Variants in NFE2L1 observed in about 807,000 individuals in gnomAD.
NFE2L1 encodes the protein NFE2 like bZIP transcription factor 1, also known as endoplasmic reticulum membrane sensor NFE2L1.
A neutral mutation model predicts 61.6 loss-of-function variants in NFE2L1; 18 were observed. The ratio of observed to expected loss-of-function variants is 0.29; its 90% CI spans 0.20 to 0.43. NFE2L1 has a LOEUF of 0.43. Among genes scored for constraint, NFE2L1 ranks in the 20% least tolerant of loss-of-function variants. NFE2L1 has a pLI of 1.00. For missense variants in NFE2L1, 827 were observed against 973.5 expected, an observed-to-expected ratio of 0.85 and a Z score of 2.00; for synonymous variants, 419 against 402.7, an observed-to-expected ratio of 1.04 and a Z score of -0.48.
At position 48,055,202 on chromosome 17, in the gene NFE2L1, A is replaced by AG. The variant is rs143423898; in HGVS notation, c.511-1177dup. 580 of 1,289,110 alleles carry AG rather than the reference A, an allele frequency of 4.5e-4. 1 individual carries two copies. The highest frequency in any genetic ancestry group is 3.6e-4 in the Non-Finnish European group (364 of 1,016,638). The allele number at this position is 1,289,110 out of a possible 1,614,324, so 79.9% of individuals were successfully genotyped here. A position where few individuals can be genotyped will look rare whatever the true frequency, so the allele number is the denominator to read the frequency against. ...AGTACGTCTGGGAGGTCTTAGGGTCAGGGGGGGTTAATGGGAGAAGAATAC... is the reference window on the plus strand; with the variant it reads ...AGTACGTCTGGGAGGTCTTAGGGTCAGGGGGGGGTTAATGGGAGAAGAATAC... On this transcript the variant is annotated intron_variant, in intron 2 of 5. Transcript: ENST00000362042.
intron 2 of NFE2L1, among the ~76,000 whole-genome samples, 195 bp from the exon 3 acceptor site, chr17:48,056,191 A>C (rs1256933584): frequency 6.7e-6 from 1 of 150,294 alleles, no homozygotes; most frequent in African/African-American, 2.5e-5. Context: ...TTTTTGTGGG[A>C]AGGGGATAGT....
chr17:48,057,496 A>AAT lies in NFE2L1; in HGVS notation c.967_968dup (p.Met323IlefsTer7). 1 of 1,612,724 alleles carries AAT rather than the reference A, an allele frequency of 6.2e-7. No homozygotes were observed. Among genetic ancestry groups the AAT allele is most frequent in the East Asian group, 2.2e-5 (1 of 44,882 alleles). On this transcript the variant is annotated frameshift_variant, in exon 5 of 6. Transcript: ENST00000362042. LOFTEE classifies it high-confidence loss of function. Reference sequence around the variant, plus strand: ...GGCAAGATCTCATGTCCATCATGGAAATGCAGGTAGGATTGTCGGAACCGG... The same window carrying AAT: ...GGCAAGATCTCATGTCCATCATGGAAATATGCAGGTAGGATTGTCGGAACCGG...
rs1007108976 is a variant in NFE2L1 at position 48,059,493 on chromosome 17, G to A, written c.2171G>A (p.Arg724Gln). 4.3e-6 allele frequency: 7 copies of A among 1,613,952 alleles called. No homozygotes were observed. Among genetic ancestry groups the A allele is most frequent in the Admixed American group, 1.7e-5 (1 of 59,998 alleles). Residue 724 changes from arginine to glutamine, a missense_variant, in exon 6 of 6, where the codon CGG (arginine) becomes CAG (glutamine). This residue lies in a region of NFE2L1 where 86 missense variants were observed against 97.3 expected (regional missense o/e 0.88). Coordinates refer to ENST00000362042, the MANE Select transcript of NFE2L1 (RefSeq NM_003204.3). The surrounding 1 kb of genome is among the most constrained non-coding windows in gnomAD (Gnocchi z 6.1). ...AGCCTGTACCAGGAGGTGTTTGGGC[G>A]GCTGCGAGATGAGAACGGACGACCC... ...VQSLYQEVFG[R>Q]LRDENGRPYS...
chr17:48,059,841 G>A lies in NFE2L1; in HGVS notation c.*200G>A. 2 of 728,576 alleles carry A rather than the reference G, an allele frequency of 2.7e-6. No individual in the cohort carries two copies. The highest frequency in any genetic ancestry group is 2.1e-6 in the Non-Finnish European group (1 of 470,600). 45.1% of individuals were successfully genotyped at this position (728,576 alleles called of 1,614,324 possible). A position where few individuals can be genotyped will look rare whatever the true frequency, so the allele number is the denominator to read the frequency against. ...GCTCCACTCGGGTGGAGTGGAAGTGGCCAGACCATTTAGACGGACAGGGTC... is the reference window on the plus strand; with the variant it reads ...GCTCCACTCGGGTGGAGTGGAAGTGACCAGACCATTTAGACGGACAGGGTC... On this transcript the variant is annotated 3_prime_UTR_variant, in exon 6 of 6. Transcript: ENST00000362042. The surrounding 1 kb of genome is among the most constrained non-coding windows in gnomAD (Gnocchi z 6.1).
rs2229369 is a variant in NFE2L1 at position 48,058,771 on chromosome 17, G to A, written c.1449G>A (p.Ser483=). Residue 483 remains serine, a synonymous_variant, in exon 6 of 6, where the codon TCG becomes TCA. Coordinates refer to ENST00000362042, the MANE Select transcript of NFE2L1 (RefSeq NM_003204.3). ...CTGACTCAGGCCTTTCCTTAGACTCGAGCCATAGCCCTTCTTCCCTAAGCA... is the reference window on the plus strand; with the variant it reads ...CTGACTCAGGCCTTTCCTTAGACTCAAGCCATAGCCCTTCTTCCCTAAGCA... ...FDSDSGLSLD[S]SHSPSSLSSS... is the part of the protein sequence containing the mutation. 10 of 1,613,980 alleles carry A rather than the reference G, an allele frequency of 6.2e-6. No homozygotes were observed. The African/African-American group carries it at 1.1e-4, about 17-fold the overall frequency.
At position 48,050,644 on chromosome 17, in the gene NFE2L1, C is replaced by T. The variant is rs150473130; in HGVS notation, c.-475C>T. The T allele has an allele frequency of 1.9e-4, 80 of 422,632 alleles. No individual in the cohort carries two copies. Among genetic ancestry groups the T allele is most frequent in the African/African-American group, 9.4e-4 (46 of 49,138 alleles). 26.2% of individuals were successfully genotyped at this position (422,632 alleles called of 1,614,324 possible). On this transcript the variant is annotated 5_prime_UTR_variant, in exon 2 of 6. Transcript: ENST00000362042. ...ACCCCCCTGGTAAGTGTGGAGGAGG[C>T]GGGACACTCTGACCCAAGACGAAAG...
At chr17:48,054,997 C>A in intron 2 of NFE2L1, 2 of 1,508,984 alleles carry the variant, frequency 1.3e-6, no homozygotes, top group Non-Finnish European at 1.8e-6. Context: ...CACCGGCTGC[C>A]CTGGGGCTCA....
rs1470865959 is a variant in NFE2L1 at position 48,051,273 on chromosome 17, A to C, written c.155A>C (p.Gln52Pro). Reference sequence around the variant, plus strand: ...CTGGGGCCCAGTTCTGCCTATACTCAGACCCAGTTCCACAACCTGAGGAAT... The same window carrying C: ...CTGGGGCCCAGTTCTGCCTATACTCCGACCCAGTTCCACAACCTGAGGAAT... ...IILGPSSAYT[Q>P]TQFHNLRNTL... is the part of the protein sequence containing the mutation. The change falls in exon 2 of 6, where the codon CAG becomes CCG. Residue 52 changes from glutamine (Q) to proline (P), a missense_variant. Physicochemically the swap from Gln to Pro is moderately conservative, Grantham distance 76 (BLOSUM62 -1). Coordinates refer to ENST00000362042, the MANE Select transcript of NFE2L1 (RefSeq NM_003204.3). 1 of 1,614,098 alleles carries C rather than the reference A, an allele frequency of 6.2e-7. No individual in the cohort carries two copies. Among genetic ancestry groups the C allele is most frequent in the Admixed American group, 1.7e-5 (1 of 60,020 alleles).
At position 48,060,923 on chromosome 17, in the gene NFE2L1, T is replaced by C. The variant is rs1268977696; in HGVS notation, c.*1282T>C. The C allele has an allele frequency of 6.5e-6, 1 of 152,690 alleles. No homozygotes were observed. Among genetic ancestry groups the C allele is most frequent in the Non-Finnish European group, 1.5e-5 (1 of 68,054 alleles). 9.5% of individuals were successfully genotyped at this position (152,690 alleles called of 1,614,324 possible). A position where few individuals can be genotyped will look rare whatever the true frequency, so the allele number is the denominator to read the frequency against. ...CAATATTCAAAGCTGCTAAATGTTC[T>C]CTTTGCCATAAAGACTCCGTGTAAC... On this transcript the variant is annotated 3_prime_UTR_variant, in exon 6 of 6. Transcript: ENST00000362042.
chr17:48,054,731 G>T (rs1174115445), intron 2 of NFE2L1: 1 of 1,295,314 alleles, frequency 7.7e-7, no homozygotes, highest in African/African-American at 1.5e-5. Context: ...GGAGCATGGG[G>T]TGGGAGTCCC....
intron 1 of NFE2L1, among the ~76,000 whole-genome samples, chr17:48,049,673 G>A (rs780205017): frequency 2.0e-5 from 3 of 152,258 alleles, no homozygotes; most frequent in Non-Finnish European, 2.9e-5. Context: ...GATTACAGGC[G>A]TCGGCCCTTT....
Position 48,059,290 on chromosome 17 carries a change from A to G in NFE2L1, c.1968A>G (p.Arg656=), listed in dbSNP as rs372179075. The G allele has an allele frequency of 1.9e-6, 3 of 1,614,078 alleles. No individual in the cohort carries two copies. The African/African-American group carries it at 4.0e-5, about 22-fold the overall frequency. ...GTGAAGCCCAGCTGAGCCTCATCCG[A>G]GACATCCGGCGCCGGGGCAAGAACA... is the stretch of plus-strand genomic sequence containing the variant. The part of the protein sequence containing the change: ...QLSEAQLSLI[R]DIRRRGKNKM... The change falls in exon 6 of 6, where the codon CGA becomes CGG. Residue 656 remains arginine (R), a synonymous_variant. Coordinates refer to ENST00000362042, the MANE Select transcript of NFE2L1 (RefSeq NM_003204.3). This position sits in a 1 kb window ranked among gnomAD's most constrained non-coding sequence, Gnocchi z 6.1.
At chr17:48,055,803 G>A (rs1025711013) in intron 2 of NFE2L1, 1 of 156,214 alleles carries the variant, frequency 6.4e-6, no homozygotes, top group Non-Finnish European at 1.4e-5. Context: ...GGGGAATGGG[G>A]AATGGCTATA....
Position 48,048,500 on chromosome 17 carries a change from T to G in NFE2L1, c.-513+38T>G, listed in dbSNP as rs1440506235. On this transcript the variant is annotated intron_variant, in intron 1 of 5. Coordinates refer to ENST00000362042, the MANE Select transcript of NFE2L1 (RefSeq NM_003204.3). ...CACATTCCTTTCCCAGAAGGGAGGG[T>G]TGCAGCGCCGCGGGGCCGAGGCTTA... 3.9e-5 allele frequency: 6 copies of G among 152,188 alleles called. No homozygotes were observed. The East Asian group carries it at 1.2e-3, about 30-fold the overall frequency. 9.4% of individuals were successfully genotyped at this position (152,188 alleles called of 1,614,324 possible).
At position 48,059,947 on chromosome 17, in the gene NFE2L1, CAG is replaced by C. The variant is rs1293636859; in HGVS notation, c.*309_*310del. On this transcript the variant is annotated 3_prime_UTR_variant, in exon 6 of 6. Coordinates refer to ENST00000362042, the MANE Select transcript of NFE2L1 (RefSeq NM_003204.3). The surrounding 1 kb of genome is among the most constrained non-coding windows in gnomAD (Gnocchi z 6.1). ...AGGAGCTATGTGGAGCAAAGGCCGA[CAG>C]AGGGGAAGGAATGGACCTGTGAGAG... The C allele has an allele frequency of 2.3e-5, 7 of 304,194 alleles. No homozygotes were observed. The highest frequency in any genetic ancestry group is 2.1e-4 in the Admixed American group (4 of 18,694). The allele number at this position is 304,194 out of a possible 1,614,324, so 18.8% of individuals were successfully genotyped here. A position where few individuals can be genotyped will look rare whatever the true frequency, so the allele number is the denominator to read the frequency against.
rs775676599 is a variant in NFE2L1 at position 48,059,221 on chromosome 17, G to A, written c.1899G>A (p.Leu633=). The change falls in exon 6 of 6, where the codon CTG becomes CTA. Residue 633 remains leucine, a synonymous_variant. Coordinates refer to ENST00000362042, the MANE Select transcript of NFE2L1 (RefSeq NM_003204.3). This position sits in a 1 kb window ranked among gnomAD's most constrained non-coding sequence, Gnocchi z 6.1. Reference sequence around the variant, plus strand: ...TCACCAATGACAAAATCATCAACCTGCCTGTGGAGGAGTTCAATGAACTGC... The same window carrying A: ...TCACCAATGACAAAATCATCAACCTACCTGTGGAGGAGTTCAATGAACTGC... ...IPFTNDKIIN[L]PVEEFNELLS... 8.1e-6 allele frequency: 13 copies of A among 1,614,018 alleles called. No individual in the cohort carries two copies. The highest frequency in any genetic ancestry group is 1.1e-5 in the South Asian group (1 of 91,090).
At chr17:48,049,242 G>A (rs967318980) in intron 1 of NFE2L1, 1 of 152,254 alleles carries the variant, frequency 6.6e-6, no homozygotes, top group African/African-American at 2.4e-5. Flanking sequence ...TGGGCAGTCT[G>A]GCTAGAGAAC....
In NFE2L1 at chr17:48,060,462, T is replaced by A. The variant is rs2037526913; in HGVS notation, c.*821T>A. 1 of 153,052 alleles carries A rather than the reference T, an allele frequency of 6.5e-6. No individual in the cohort carries two copies. Among genetic ancestry groups the A allele is most frequent in the African/African-American group, 2.4e-5 (1 of 41,464 alleles). The allele number at this position is 153,052 out of a possible 1,614,324, so 9.5% of individuals were successfully genotyped here. On this transcript the variant is annotated 3_prime_UTR_variant, in exon 6 of 6. Coordinates refer to ENST00000362042, the MANE Select transcript of NFE2L1 (RefSeq NM_003204.3). ...TCTCCCTCCGTGCTCCAGCCACCCC[T>A]GAGCTGAGGCTCCCATTGTCTCCAT...
Position 48,060,036 on chromosome 17 carries a change from A to C in NFE2L1, c.*395A>C, listed in dbSNP as rs1371050343. The C allele has an allele frequency of 9.8e-3, 399 of 40,770 alleles. 7 individuals carry two copies. The highest frequency in any genetic ancestry group is 0.019 in the South Asian group (14 of 730). The allele number at this position is 40,770 out of a possible 1,614,324, so 2.5% of individuals were successfully genotyped here. A position where few individuals can be genotyped will look rare whatever the true frequency, so the allele number is the denominator to read the frequency against. ...AGGGATAGAAGGAAGGAAGGAAGGAACCCCCCCCCCCCCGAAAAAAAAATC... is the reference window on the plus strand; with the variant it reads ...AGGGATAGAAGGAAGGAAGGAAGGACCCCCCCCCCCCCCGAAAAAAAAATC... On this transcript the variant is annotated 3_prime_UTR_variant, in exon 6 of 6. Coordinates refer to ENST00000362042, the MANE Select transcript of NFE2L1 (RefSeq NM_003204.3).
Sources: allele counts gnomAD v4.1 joint callset (sites outside exome capture counted in the v4.1 genomes callset), GRCh38; gene constraint gnomAD v4.1.1; regional missense constraint gnomAD v4.1.1; non-coding constraint Gnocchi (gnomAD v3.1); transcripts MANE v1.5; gene names NCBI Gene and HGNC (gene_info 2026-07-23, HGNC 2026-07-21).